Variants in AKAP19 observed in about 807,000 individuals in gnomAD.
The protein encoded by AKAP19 is small A-kinase anchoring protein.
At chr2:189,979,859 G>T in the AKAP19 span, among the ~76,000 whole-genome samples, 3 of 152,058 alleles carry the variant, frequency 2.0e-5, no homozygotes, top group African/African-American at 4.8e-5. Context: ...CAAATTAAAA[G>T]TATGATGAGA....
the AKAP19 span, among the ~76,000 whole-genome samples, chr2:190,076,715 G>C: frequency 2.6e-3 from 401 of 152,220 alleles, 1 homozygote; most frequent in Admixed American, 5.8e-3. Context: ...CTCTTTGTCA[G>C]TAATTCTCAG....
chr2:190,192,101 A>G, the AKAP19 span, among the ~76,000 whole-genome samples: 1 of 152,172 alleles, frequency 6.6e-6, no homozygotes, highest in Non-Finnish European at 1.5e-5. Flanking sequence ...ATTTAAAACT[A>G]TGATCCCTTT....
At chr2:189,917,909 T>C in the AKAP19 span, among the ~76,000 whole-genome samples, 1 of 152,106 alleles carries the variant, frequency 6.6e-6, no homozygotes, top group Non-Finnish European at 1.5e-5. Context: ...CTATGGGTCA[T>C]GTCAAAATTT....
At chr2:190,077,404 G>T in the AKAP19 span, among the ~76,000 whole-genome samples, 10 of 151,664 alleles carry the variant, frequency 6.6e-5, no homozygotes, top group Middle Eastern at 6.8e-3. Flanking sequence ...TACAGACAGG[G>T]TTTAGCCATG....
the AKAP19 span, among the ~76,000 whole-genome samples, chr2:190,128,394 A>G: frequency 6.6e-6 from 1 of 152,174 alleles, no homozygotes; most frequent in Admixed American, 6.5e-5. Flanking sequence ...TTAATCAGAA[A>G]TCTATCCACA....
the AKAP19 span, among the ~76,000 whole-genome samples, chr2:190,085,772 T>C: frequency 6.6e-6 from 1 of 152,220 alleles, no homozygotes; most frequent in Non-Finnish European, 1.5e-5. Context: ...AAACATTTCT[T>C]AAATGATCAG....
chr2:190,111,485 G>A, the AKAP19 span, among the ~76,000 whole-genome samples: 1 of 152,152 alleles, frequency 6.6e-6, no homozygotes, highest in African/African-American at 2.4e-5. Flanking sequence ...AAGGCATTGG[G>A]AGGATTTTTA....
the AKAP19 span, among the ~76,000 whole-genome samples, chr2:189,952,096 G>A: frequency 2.6e-5 from 4 of 152,220 alleles, no homozygotes; most frequent in African/African-American, 4.8e-5. Flanking sequence ...CCTTTGTCTT[G>A]TATCCTCACA....
chr2:189,892,645 C>G, the AKAP19 span, among the ~76,000 whole-genome samples: 3 of 152,196 alleles, frequency 2.0e-5, no homozygotes, highest in Admixed American at 6.5e-5. Context: ...ACAGCCAGAG[C>G]TCTCCTGTAT....
At chr2:190,111,332 C>G in the AKAP19 span, among the ~76,000 whole-genome samples, 1 of 152,138 alleles carries the variant, frequency 6.6e-6, no homozygotes, top group African/African-American at 2.4e-5. Flanking sequence ...ATGGCTGAGT[C>G]CCAATACTGG....
At chr2:189,953,268 ATAATAATAAGAT>A in the AKAP19 span, among the ~76,000 whole-genome samples, 1 of 152,190 alleles carries the variant, frequency 6.6e-6, no homozygotes, top group African/African-American at 2.4e-5. Context: ...TCAAATAATG[ATAATAATAAGAT>A]TAATAATAAA....
chr2:190,202,228 T>C, the AKAP19 span: 1 of 167,040 alleles, frequency 6.0e-6, no homozygotes, highest in African/African-American at 2.4e-5. Context: ...CAGTATACTT[T>C]TATCACCAAG....
chr2:190,062,140 A>G, the AKAP19 span: 1 of 1,493,464 alleles, frequency 6.7e-7, no homozygotes, highest in Admixed American at 1.7e-5. Flanking sequence ...CTTGTTTAAA[A>G]GAGCCTGAAA....
chr2:189,999,317 T>C, the AKAP19 span, among the ~76,000 whole-genome samples: 1 of 152,214 alleles, frequency 6.6e-6, no homozygotes, highest in Non-Finnish European at 1.5e-5. Context: ...ATTTACCTTG[T>C]GATTTTTAAC....
At chr2:190,169,907 C>T in the AKAP19 span, among the ~76,000 whole-genome samples, 1 of 152,116 alleles carries the variant, frequency 6.6e-6, no homozygotes, top group Non-Finnish European at 1.5e-5. Flanking sequence ...TTAAGCCTGC[C>T]AAGACACTTG....
chr2:190,098,241 T>A, the AKAP19 span, among the ~76,000 whole-genome samples: 1 of 152,180 alleles, frequency 6.6e-6, no homozygotes, highest in Non-Finnish European at 1.5e-5. Flanking sequence ...ATTTCTTAAA[T>A]AGTAGACTTG....
At chr2:189,998,988 T>A in the AKAP19 span, among the ~76,000 whole-genome samples, 3 of 151,974 alleles carry the variant, frequency 2.0e-5, no homozygotes, top group Non-Finnish European at 2.9e-5. Flanking sequence ...GCTAGGCTGA[T>A]CTCAAACTCC....
the AKAP19 span, among the ~76,000 whole-genome samples, chr2:190,072,493 A>C: frequency 6.6e-6 from 1 of 152,212 alleles, no homozygotes; most frequent in African/African-American, 2.4e-5. Context: ...TAAGGATATA[A>C]AGTATTTGAA....
chr2:190,161,837 A>G, the AKAP19 span, among the ~76,000 whole-genome samples: 3 of 152,334 alleles, frequency 2.0e-5, no homozygotes, highest in East Asian at 5.8e-4. Flanking sequence ...TATTCAGATG[A>G]TATGAGTTTA....
Sources: gnomAD v4.1 joint callset for allele counts (sites outside exome capture counted in the v4.1 genomes callset) on GRCh38, gnomAD v4.1.1 for gene constraint, MANE v1.5 for transcripts, NCBI Gene and HGNC (gene_info 2026-07-23, HGNC 2026-07-21) for gene names.